GLIS1: variants seen among roughly 807,000 people sequenced by gnomAD.
GLIS1 encodes the protein zinc finger protein GLIS1.
In GLIS1, 24 loss-of-function variants were observed where a neutral mutation model predicts 63.8. That is an observed-to-expected ratio of 0.38 (90% CI 0.27 to 0.53). GLIS1 has a LOEUF of 0.53. Ranked by LOEUF, GLIS1 falls within the 20% of genes least tolerant of loss-of-function variation. The probability of loss-of-function intolerance (pLI) is 0.85; values close to 1 mark genes in which losing one functional copy is unlikely to be tolerated. For missense variants in GLIS1, 1,036 were observed against 1,074.1 expected (o/e 0.96, Z 0.50); for synonymous variants, 450 against 482.5 (o/e 0.93, Z 0.88).
At position 53,593,426 on chromosome 1, in the gene GLIS1, T is replaced by C. The variant is rs568660511; in HGVS notation, c.1320+682A>G. ...GAGGCCTGAGTACTCACAGTTAATA[T>C]GCGCGTGTGTGTGCACGCGTGCATG... On this transcript the variant is annotated intron_variant, in intron 4 of 10. Coordinates refer to ENST00000628545, the MANE Select transcript of GLIS1 (RefSeq NM_001367484.1). Among the ~76,000 whole-genome samples the C allele has an allele frequency of 7.9e-5, 12 of 152,344 alleles. No homozygotes were observed. The East Asian group carries it at 1.4e-3, about 17-fold the overall frequency.
chr1:53,622,427 C>CAAAAAAAAAAAA (rs60923620), intron 2 of GLIS1, among the ~76,000 whole-genome samples: 13 of 132,346 alleles, frequency 9.8e-5, no homozygotes, highest in Admixed American at 3.0e-4. Context: ...GACTATGTCT[C>CAAAAAAAAAAAA]AAAAAAAAAA....
chr1:53,725,296 C>T (rs1646794550), intron 2 of GLIS1, among the ~76,000 whole-genome samples: 1 of 152,200 alleles, frequency 6.6e-6, no homozygotes, highest in African/African-American at 2.4e-5. Context: ...CTGTAGAGGG[C>T]TGGTCTGCAA....
chr1:53,546,312 GCA>G (rs113289466), intron 4 of GLIS1, among the ~76,000 whole-genome samples: 17 of 152,368 alleles, frequency 1.1e-4, no homozygotes, highest in African/African-American at 3.6e-4. Flanking sequence ...ATTTCACTCT[GCA>G]GCAGCAGCCA....
chr1:53,705,240 C>A (rs1646566745), intron 2 of GLIS1, among the ~76,000 whole-genome samples: 1 of 152,148 alleles, frequency 6.6e-6, no homozygotes, highest in South Asian at 2.1e-4. Context: ...AGGAGAGAGC[C>A]ACCTGCCCAG....
intron 2 of GLIS1, among the ~76,000 whole-genome samples, chr1:53,609,411 C>G (rs567759340): frequency 1.3e-5 from 2 of 151,612 alleles, no homozygotes; most frequent in East Asian, 3.9e-4. Flanking sequence ...GCTGCGACTA[C>G]AGGTGTGTGC....
At chr1:53,647,840 T>C (rs1397719381) in intron 2 of GLIS1, among the ~76,000 whole-genome samples, 1 of 151,964 alleles carries the variant, frequency 6.6e-6, no homozygotes, top group African/African-American at 2.4e-5. Context: ...CTAGAATACA[T>C]GAAGATCTTC....
chr1:53,676,131 C>T (rs528245155), intron 2 of GLIS1, among the ~76,000 whole-genome samples: 3 of 152,252 alleles, frequency 2.0e-5, no homozygotes, highest in South Asian at 2.1e-4. Context: ...AAATTAACAC[C>T]GTTTGCTCTG....
intron 2 of GLIS1, among the ~76,000 whole-genome samples, chr1:53,672,153 T>G (rs1646159355): frequency 6.6e-6 from 1 of 152,154 alleles, no homozygotes; most frequent in Non-Finnish European, 1.5e-5. Context: ...CCGATCCAGG[T>G]GCCAAAATGG....
chr1:53,682,698 G>A (rs1646289295), intron 2 of GLIS1, among the ~76,000 whole-genome samples: 1 of 152,236 alleles, frequency 6.6e-6, no homozygotes. Flanking sequence ...AATCTAGGAG[G>A]AGCTGCCTTT....
intron 2 of GLIS1, among the ~76,000 whole-genome samples, chr1:53,731,379 G>A (rs1174386926): frequency 5.9e-5 from 9 of 152,334 alleles, no homozygotes; most frequent in Middle Eastern, 3.4e-3. Flanking sequence ...AGAAAGGGGT[G>A]CTCTGGGATG....
At chr1:53,542,249 C>G (rs768233460) in intron 4 of GLIS1, among the ~76,000 whole-genome samples, 4 of 152,182 alleles carry the variant, frequency 2.6e-5, no homozygotes, top group African/African-American at 4.8e-5. Context: ...ACTCAAGCGC[C>G]GGGGGGAAGG....
chr1:53,709,529 G>A lies in GLIS1; in HGVS notation c.259+28277C>T, dbSNP rs72638001. Among the ~76,000 whole-genome samples, 260 of 152,012 alleles carry A rather than the reference G, an allele frequency of 1.7e-3. 6 individuals carry two copies. In the East Asian group the frequency reaches 0.039, roughly 23 times the overall value. On this transcript the variant is annotated intron_variant, in intron 2 of 10. Coordinates refer to ENST00000628545, the MANE Select transcript of GLIS1 (RefSeq NM_001367484.1). ...TGGCTTCCTGGCTGGTTACATAGAT[G>A]GGTGGGTGGGTTAGACAGCTGGGTT...
chr1:53,663,669 G>C (rs898968840), intron 2 of GLIS1, among the ~76,000 whole-genome samples: 1 of 152,164 alleles, frequency 6.6e-6, no homozygotes, highest in Non-Finnish European at 1.5e-5. Context: ...GGGGCAGTTG[G>C]AGGAGCAAAC....
intron 2 of GLIS1, among the ~76,000 whole-genome samples, chr1:53,694,350 C>G (rs1246168878): frequency 6.6e-6 from 1 of 152,162 alleles, no homozygotes; most frequent in Non-Finnish European, 1.5e-5. Context: ...CTCCCCATAC[C>G]TCACCCTGTG....
chr1:53,656,942 G>A (rs940687813), intron 2 of GLIS1, among the ~76,000 whole-genome samples: 3 of 152,216 alleles, frequency 2.0e-5, no homozygotes, highest in Non-Finnish European at 2.9e-5. Context: ...CCAGAGCTGT[G>A]GCTGGATCCT....
At chr1:53,575,625 G>A in intron 4 of GLIS1, among the ~76,000 whole-genome samples, 1 of 152,208 alleles carries the variant, frequency 6.6e-6, no homozygotes, top group East Asian at 1.9e-4. Flanking sequence ...TCCTTGTCTG[G>A]ACTATGAGCA....
chr1:53,736,505 A>G (rs1307612981), intron 2 of GLIS1, among the ~76,000 whole-genome samples: 4 of 152,166 alleles, frequency 2.6e-5, no homozygotes, highest in Non-Finnish European at 5.9e-5. Flanking sequence ...CCCGGCAGCA[A>G]ACATTACTCA....
At chr1:53,640,468 G>A (rs1034654921) in intron 2 of GLIS1, among the ~76,000 whole-genome samples, 22 of 152,182 alleles carry the variant, frequency 1.4e-4, no homozygotes, top group Non-Finnish European at 1.5e-5. Flanking sequence ...TTTTTCATCT[G>A]ACAGCTGGGG....
intron 2 of GLIS1, among the ~76,000 whole-genome samples, chr1:53,736,585 AG>A (rs1280622777): frequency 6.6e-6 from 1 of 152,214 alleles, no homozygotes; most frequent in Non-Finnish European, 1.5e-5. Context: ...AATAACACTC[AG>A]CAGGCATTTC....
Sources: gnomAD v4.1 joint callset for allele counts (sites outside exome capture counted in the v4.1 genomes callset) on GRCh38, gnomAD v4.1.1 for gene constraint, MANE v1.5 for transcripts, NCBI Gene and HGNC (gene_info 2026-07-23, HGNC 2026-07-21) for gene names.